The following PCDH1 variants were observed in gnomAD, a reference collection of about 807,000 sequenced individuals.
PCDH1 encodes protocadherin-1.
A neutral mutation model predicts 74.6 loss-of-function variants in PCDH1; 23 were observed. The observed-to-expected ratio is 0.31, with a 90% confidence interval of 0.22 to 0.44. The LOEUF (loss-of-function observed/expected upper bound fraction) is 0.44. PCDH1 is among the 20% of genes least tolerant of loss of function. The pLI, the probability that PCDH1 is intolerant of heterozygous loss-of-function variation, is 1.00. For missense variants in PCDH1, 1,214 were observed against 1,641.4 expected (o/e 0.74, Z 4.50); for synonymous variants, 647 against 686.1 (o/e 0.94, Z 0.89).
At position 141,865,553 on chromosome 5, in the gene PCDH1, G is replaced by A. The variant is rs1321789205; in HGVS notation, c.904-126C>T. On this transcript the variant is annotated intron_variant, in intron 2 of 4. Transcript: ENST00000287008. This position sits in a 1 kb window ranked among gnomAD's most constrained non-coding sequence, Gnocchi z 4.4. ...TGGCAGACACAGCCAATCCAACATC[G>A]CTCCCTTTCCAGAAGCCATGTGTGT... is the stretch of plus-strand genomic sequence containing the variant. 22 of 1,080,432 alleles carry A rather than the reference G, an allele frequency of 2.0e-5. No homozygotes were observed. The highest frequency in any genetic ancestry group is 3.0e-5 in the South Asian group (2 of 66,994). The allele number at this position is 1,080,432 out of a possible 1,614,324, so 66.9% of individuals were successfully genotyped here.
chr5:141,866,223 A>G, intron 2 of PCDH1: 1 of 985,486 alleles, frequency 1.0e-6, no homozygotes. Context: ...CCCGACTGGC[A>G]CCGGCTGGCG....
intron 1 of PCDH1, among the ~76,000 whole-genome samples, chr5:141,873,918 T>C (rs1320771237): frequency 6.6e-6 from 1 of 152,178 alleles, no homozygotes; most frequent in Non-Finnish European, 1.5e-5. Context: ...CTCCTTCCCA[T>C]ACTACAGATG....
chr5:141,865,011 G>C lies in PCDH1; in HGVS notation c.1320C>G (p.Phe440Leu). The C allele has an allele frequency of 6.2e-7, 1 of 1,614,132 alleles. No homozygotes were observed. The highest frequency in any genetic ancestry group is 8.5e-7 in the Non-Finnish European group (1 of 1,180,022). The change falls in exon 3 of 5, where the codon TTC becomes TTG. Residue 440 changes from phenylalanine (F) to leucine (L), a missense_variant. By Grantham distance (22) the Phe-to-Leu change is conservative. Transcript: ENST00000287008. This position sits in a 1 kb window ranked among gnomAD's most constrained non-coding sequence, Gnocchi z 4.4. Reference protein sequence around the residue: ...VTCVVAGDVPFQLRQASETGS... With the variant: ...VTCVVAGDVPLQLRQASETGS... ...CTGTCTCACTGGCCTGGCGCAGCTGGAAGGGCACATCACCTGCCACCACAC... is the reference window on the plus strand; with the variant it reads ...CTGTCTCACTGGCCTGGCGCAGCTGCAAGGGCACATCACCTGCCACCACAC...
rs1003098689 is a variant in PCDH1, at chr5:141,868,608, T to C, written c.864A>G (p.Glu288=). 1.3e-6 allele frequency: 2 copies of C among 1,576,310 alleles called. No individual in the cohort carries two copies. Among genetic ancestry groups the C allele is most frequent in the Non-Finnish European group, 1.7e-6 (2 of 1,160,860 alleles). The change falls in exon 2 of 5, where the codon GAA becomes GAG. Residue 288 remains glutamate (E), a synonymous_variant. Transcript: ENST00000287008. This position sits in a 1 kb window ranked among gnomAD's most constrained non-coding sequence, Gnocchi z 4.8. The part of the protein sequence containing the change: ...PKFERPSYEA[E]LSENSPIGHS... Reference sequence around the variant, plus strand: ...GGCCTATGGGGCTATTCTCAGATAGTTCGGCCTCATAGGAGGGCCGCTCAA... The same window carrying C: ...GGCCTATGGGGCTATTCTCAGATAGCTCGGCCTCATAGGAGGGCCGCTCAA...
chr5:141,865,556 C>G lies in PCDH1; in HGVS notation c.904-129G>C. 2 of 1,053,124 alleles carry G rather than the reference C, an allele frequency of 1.9e-6. No individual in the cohort carries two copies. The highest frequency in any genetic ancestry group is 3.0e-5 in the South Asian group (2 of 66,292). The allele number at this position is 1,053,124 out of a possible 1,614,324, so 65.2% of individuals were successfully genotyped here. On this transcript the variant is annotated intron_variant, in intron 2 of 4. Transcript: ENST00000287008. This position sits in a 1 kb window ranked among gnomAD's most constrained non-coding sequence, Gnocchi z 4.4. ...CAGACACAGCCAATCCAACATCGCTCCCTTTCCAGAAGCCATGTGTGTCCT... is the reference window on the plus strand; with the variant it reads ...CAGACACAGCCAATCCAACATCGCTGCCTTTCCAGAAGCCATGTGTGTCCT...
chr5:141,862,598 G>A, intron 3 of PCDH1: 1 of 983,134 alleles, frequency 1.0e-6, no homozygotes, highest in Non-Finnish European at 1.2e-6. Context: ...ACAAAGGGCT[G>A]CTTCCAGTCT....
intron 4 of PCDH1, among the ~76,000 whole-genome samples, chr5:141,855,998 G>A (rs564704212): frequency 4.3e-4 from 65 of 152,152 alleles, no homozygotes; most frequent in African/African-American, 1.4e-3. Context: ...ACACTGCCTG[G>A]GACAGGGGCT....
chr5:141,877,760 G>A (rs1476886621), intron 1 of PCDH1, among the ~76,000 whole-genome samples: 3 of 152,190 alleles, frequency 2.0e-5, no homozygotes, highest in Non-Finnish European at 2.9e-5. Context: ...CCCTCTGGGT[G>A]CCCGCGAGAA....
intron 4 of PCDH1, among the ~76,000 whole-genome samples, chr5:141,856,941 C>A (rs1752371699): frequency 2.0e-5 from 3 of 152,158 alleles, no homozygotes; most frequent in Non-Finnish European, 4.4e-5. Flanking sequence ...CCGAATGCAA[C>A]AGCTTTGGAG....
At position 141,868,656 on chromosome 5, in the gene PCDH1, G is replaced by A; in HGVS notation, c.816C>T (p.Asp272=). The part of the protein sequence containing the change: ...SSALLRVTVL[D]TNDNAPKFER... Reference sequence around the variant, plus strand: ...CAAACTTGGGGGCGTTGTCATTGGTGTCAAGCACGGTGACACGCAGCAGGG... The same window carrying A: ...CAAACTTGGGGGCGTTGTCATTGGTATCAAGCACGGTGACACGCAGCAGGG... Residue 272 remains aspartate (D), a synonymous_variant, in exon 2 of 5, where the codon GAC becomes GAT. Transcript: ENST00000287008. This position sits in a 1 kb window ranked among gnomAD's most constrained non-coding sequence, Gnocchi z 4.8. 1 of 1,608,974 alleles carries A rather than the reference G, an allele frequency of 6.2e-7. No individual in the cohort carries two copies. Among genetic ancestry groups the A allele is most frequent in the Non-Finnish European group, 8.5e-7 (1 of 1,176,962 alleles).
In PCDH1 at chr5:141,854,376, A is replaced by G; in HGVS notation, c.3380T>C (p.Phe1127Ser). The G allele has an allele frequency of 6.2e-7, 1 of 1,613,480 alleles. No individual in the cohort carries two copies. The highest frequency in any genetic ancestry group is 1.7e-5 in the Admixed American group (1 of 60,014). The stretch of plus-strand genomic sequence containing the variant: ...CATCCAGCATGTGTCAGAGTGGCCA[A>G]ACTCACTGCACTCCCGGGTACATGT... ...TGTCTRECSE[F>S]GHSDTCWMPG... Residue 1127 changes from phenylalanine (F) to serine (S), a missense_variant, in exon 5 of 5, where the codon TTT (phenylalanine) becomes TCT (serine). Phe to Ser is a radical substitution (Grantham distance 155). Around this residue, in one of 4 missense-constraint regions of PCDH1, gnomAD observed 194 missense variants for 198.3 expected, o/e 0.98. Coordinates refer to ENST00000287008, the MANE Select transcript of PCDH1 (RefSeq NM_032420.5).
chr5:141,875,674 T>C (rs1596564017), intron 1 of PCDH1, among the ~76,000 whole-genome samples: 1 of 152,130 alleles, frequency 6.6e-6, no homozygotes, highest in Non-Finnish European at 1.5e-5. Flanking sequence ...CCTTTTGGAA[T>C]TGGGAATTGG....
chr5:141,856,344 TAGGGCCTGGGAGGTTAGACAAGGGCCC>T lies in PCDH1; in HGVS notation c.3319+881_3319+907del, dbSNP rs1458547913. 90 of 1,085,190 alleles carry T rather than the reference TAGGGCCTGGGAGGTTAGACAAGGGCCC, an allele frequency of 8.3e-5. No homozygotes were observed. In the Middle Eastern group the frequency reaches 9.9e-4, roughly 12 times the overall value. 67.2% of individuals were successfully genotyped at this position (1,085,190 alleles called of 1,614,324 possible). On this transcript the variant is annotated intron_variant, in intron 4 of 4. Transcript: ENST00000287008. ...TGGGGGTGGAGGGCACTCTGAGACC[TAGGGCCTGGGAGGTTAGACAAGGGCCC>T]GGGAGGTTAGACAAGGGCCCTGTGC...
intron 1 of PCDH1, among the ~76,000 whole-genome samples, chr5:141,870,057 T>C (rs927290024): frequency 3.9e-5 from 6 of 152,200 alleles, no homozygotes; most frequent in Admixed American, 6.5e-5. Flanking sequence ...GCCAAGTCAG[T>C]GCATATGCAT....
chr5:141,860,236 G>A (rs1032331936), intron 3 of PCDH1, among the ~76,000 whole-genome samples: 1 of 152,170 alleles, frequency 6.6e-6, no homozygotes, highest in Admixed American at 6.5e-5. Context: ...ATTGGGGCCA[G>A]GCACGGCAGC....
chr5:141,855,399 A>G (rs1402090625), intron 4 of PCDH1, among the ~76,000 whole-genome samples: 1 of 152,104 alleles, frequency 6.6e-6, no homozygotes, highest in African/African-American at 2.4e-5. Flanking sequence ...CTCCAGACAG[A>G]CTTAAATGTG....
chr5:141,866,628 A>G (rs916623479), intron 2 of PCDH1, among the ~76,000 whole-genome samples: 5 of 152,160 alleles, frequency 3.3e-5, no homozygotes, highest in Admixed American at 2.0e-4. Flanking sequence ...ACCACTTCCC[A>G]AGTAACTATG....
At chr5:141,877,695 C>A (rs1753275583) in intron 1 of PCDH1, among the ~76,000 whole-genome samples, 1 of 152,170 alleles carries the variant, frequency 6.6e-6, no homozygotes, top group Admixed American at 6.5e-5. Flanking sequence ...GGAGGTATGT[C>A]TGTGTGCACA....
At chr5:141,877,624 C>G (rs909783114) in intron 1 of PCDH1, among the ~76,000 whole-genome samples, 4 of 152,146 alleles carry the variant, frequency 2.6e-5, no homozygotes, top group Admixed American at 1.3e-4. Flanking sequence ...TGCTGCTGAT[C>G]GTGCAGACAC....
Sources: gnomAD v4.1 joint callset for allele counts (sites outside exome capture counted in the v4.1 genomes callset) on GRCh38, gnomAD v4.1.1 for gene constraint, gnomAD v4.1.1 regional missense constraint, Gnocchi (gnomAD v3.1) non-coding constraint, MANE v1.5 for transcripts, NCBI Gene and HGNC (gene_info 2026-07-23, HGNC 2026-07-21) for gene names.